The following ADORA2B variants were observed in gnomAD, a reference collection of about 807,000 sequenced individuals.
ADORA2B encodes the protein adenosine A2b receptor, also known as adenosine receptor A2b.
Under a neutral mutation model 20.8 loss-of-function variants are expected in ADORA2B, and 18 were observed. The ratio of observed to expected loss-of-function variants is 0.87; its 90% CI spans 0.60 to 1.29. ADORA2B has a LOEUF of 1.29. Among genes scored for constraint, ADORA2B ranks in the 50% most tolerant of loss-of-function variants. The pLI is 0.00. For missense variants in ADORA2B, 441 were observed against 422.7 expected, an observed-to-expected ratio of 1.04 and a Z score of -0.38; for synonymous variants, 179 against 178.3, an observed-to-expected ratio of 1.00 and a Z score of -0.03.
At chr17:15,882,056 G>A in the ADORA2B span, among the ~76,000 whole-genome samples, 298 of 152,296 alleles carry the variant, frequency 2.0e-3, 2 homozygotes, top group South Asian at 7.7e-3. Context: ...CCTGAAATAC[G>A]GGAAGATTAG....
chr17:15,931,678 C>T, the ADORA2B span, among the ~76,000 whole-genome samples: 10 of 152,280 alleles, frequency 6.6e-5, no homozygotes, highest in Admixed American at 4.6e-4. Flanking sequence ...TGTATATCTT[C>T]TTTGGAGAAG....
the ADORA2B span, among the ~76,000 whole-genome samples, chr17:15,917,767 C>G: frequency 6.6e-6 from 1 of 152,236 alleles, no homozygotes; most frequent in Admixed American, 6.5e-5. Flanking sequence ...ATTCAACAGA[C>G]GACCGCTCCG....
chr17:15,949,678 C>T (rs1418104671), intron 1 of ADORA2B, among the ~76,000 whole-genome samples: 1 of 151,912 alleles, frequency 6.6e-6, no homozygotes, highest in Non-Finnish European at 1.5e-5. Flanking sequence ...CGAGACCAGC[C>T]TGGCCAACAT....
chr17:15,954,043 A>G (rs1472350369), intron 1 of ADORA2B, among the ~76,000 whole-genome samples: 2 of 151,724 alleles, frequency 1.3e-5, no homozygotes, highest in Non-Finnish European at 2.9e-5. Context: ...CAGTGGTGCA[A>G]TCTCACCTCA....
the ADORA2B span, chr17:15,860,930 T>C: frequency 6.5e-6 from 1 of 154,846 alleles, no homozygotes; most frequent in African/African-American, 2.4e-5. Flanking sequence ...TTTGGGGACA[T>C]GAGACTGCTG....
At chr17:15,943,486 C>G (rs911177389), upstream of ADORA2B, among the ~76,000 whole-genome samples, 2 of 152,208 alleles carry the variant, frequency 1.3e-5, no homozygotes, top group African/African-American at 4.8e-5. Flanking sequence ...GCCACCGTGC[C>G]TGGCTGATTT....
chr17:15,967,387 C>T (rs1469978847), intron 1 of ADORA2B, among the ~76,000 whole-genome samples: 1 of 152,178 alleles, frequency 6.6e-6, no homozygotes, highest in Non-Finnish European at 1.5e-5. Flanking sequence ...CATGCGCCAA[C>T]ACACTCGGCT....
chr17:15,874,080 A>ATG, the ADORA2B span, among the ~76,000 whole-genome samples: 3 of 138,892 alleles, frequency 2.2e-5, no homozygotes, highest in African/African-American at 8.9e-5. Context: ...ATATATATAT[A>ATG]TGTATATATA....
the ADORA2B span, among the ~76,000 whole-genome samples, chr17:15,894,846 A>G: frequency 3.3e-5 from 5 of 152,208 alleles, no homozygotes; most frequent in African/African-American, 9.6e-5. Flanking sequence ...TGGTAATGAC[A>G]ATAACTGAGC....
intron 1 of ADORA2B, among the ~76,000 whole-genome samples, chr17:15,964,126 A>C (rs991615191): frequency 6.6e-6 from 1 of 152,228 alleles, no homozygotes; most frequent in Non-Finnish European, 1.5e-5. Context: ...TGCAGAGATA[A>C]GGTGGTTTGC....
intron 1 of ADORA2B, among the ~76,000 whole-genome samples, chr17:15,956,985 T>G (rs1969974316): frequency 6.6e-6 from 1 of 152,182 alleles, no homozygotes; most frequent in Non-Finnish European, 1.5e-5. Context: ...AATTTTAATC[T>G]GGAGTTTGAT....
At chr17:15,940,327 G>GA (rs1597840205), upstream of ADORA2B, among the ~76,000 whole-genome samples, 2 of 152,204 alleles carry the variant, frequency 1.3e-5, no homozygotes, top group African/African-American at 4.8e-5. Flanking sequence ...AGAGACTGAG[G>GA]AGCCTCCTGG....
rs756395277 is a variant in ADORA2B, at chr17:15,974,671, T to C, written c.336-8T>C. The C allele has an allele frequency of 3.1e-6, 5 of 1,609,554 alleles. No individual in the cohort carries two copies. The East Asian group carries it at 8.9e-5, about 29-fold the overall frequency. Reference sequence around the variant, plus strand: ...ACTGACCGTAACAGATGGTATTCTTTTAAACAGGTATAAAAGTTTGGTCAC... The same window carrying C: ...ACTGACCGTAACAGATGGTATTCTTCTAAACAGGTATAAAAGTTTGGTCAC... On this transcript the variant is annotated splice_polypyrimidine_tract_variant and splice_region_variant and intron_variant, in intron 1 of 1. Transcript: ENST00000304222.
the ADORA2B span, among the ~76,000 whole-genome samples, chr17:15,867,008 AG>A: frequency 6.6e-6 from 1 of 152,228 alleles, no homozygotes; most frequent in South Asian, 2.1e-4. Flanking sequence ...GCTGGTCTCC[AG>A]CTCCTAACTG....
the ADORA2B span, among the ~76,000 whole-genome samples, chr17:15,916,680 G>A: frequency 6.6e-6 from 1 of 152,218 alleles, no homozygotes; most frequent in Non-Finnish European, 1.5e-5. Context: ...CAGGCCCAGG[G>A]AGTGGTGCCA....
chr17:15,923,198 TTTTTTTAA>T, the ADORA2B span, among the ~76,000 whole-genome samples: 168 of 99,068 alleles, frequency 1.7e-3, no homozygotes, highest in African/African-American at 7.3e-3. Context: ...AATTTCTTTC[TTTTTTTAA>T]TTTTTTTTTT....
intron 1 of ADORA2B, among the ~76,000 whole-genome samples, chr17:15,957,648 T>A (rs894244096): frequency 3.9e-5 from 6 of 152,066 alleles, no homozygotes; most frequent in African/African-American, 1.4e-4. Flanking sequence ...GCAGTAGTGG[T>A]CGAGTCTTGG....
intron 1 of ADORA2B, among the ~76,000 whole-genome samples, chr17:15,973,626 G>A (rs886676460): frequency 3.3e-5 from 5 of 152,154 alleles, no homozygotes; most frequent in Admixed American, 2.6e-4. Flanking sequence ...AACTGTGCAC[G>A]CAGGGGATCT....
At chr17:15,865,127 T>G in the ADORA2B span, among the ~76,000 whole-genome samples, 3 of 152,178 alleles carry the variant, frequency 2.0e-5, no homozygotes, top group Non-Finnish European at 2.9e-5. Context: ...GTTTAAAGAG[T>G]TTTTGTTTAC....
Sources: gnomAD v4.1 joint callset for allele counts (sites outside exome capture counted in the v4.1 genomes callset) on GRCh38, gnomAD v4.1.1 for gene constraint, MANE v1.5 for transcripts, NCBI Gene and HGNC (gene_info 2026-07-23, HGNC 2026-07-21) for gene names.